Variants in STK3 observed in about 807,000 individuals in gnomAD.
STK3 encodes serine/threonine-protein kinase 3.
A neutral mutation model predicts 58.0 loss-of-function variants in STK3; 41 were observed. That is an observed-to-expected ratio of 0.71 (90% CI 0.55 to 0.92). STK3 has a LOEUF of 0.92. Ranked by LOEUF, STK3 falls within the 40% of genes least tolerant of loss-of-function variation. STK3 has a pLI of 0.00. For missense variants in STK3, 479 were observed against 602.7 expected (o/e 0.79, Z 2.15); for synonymous variants, 170 against 191.0 (o/e 0.89, Z 0.91).
chr8:98,477,703 G>C (rs1410858398), intron 10 of STK3, among the ~76,000 whole-genome samples: 1 of 24,952 alleles, frequency 4.0e-5, no homozygotes, highest in East Asian at 1.4e-3. Context: ...CACACTTGGC[G>C]GGGGGGGGGG....
intron 6 of STK3, among the ~76,000 whole-genome samples, chr8:98,644,279 C>G (rs1242408772): frequency 6.6e-6 from 1 of 152,126 alleles, no homozygotes; most frequent in African/African-American, 2.4e-5. Context: ...CTTTAAAAGT[C>G]AAAGTATGAA....
In STK3 at chr8:98,767,340, T is replaced by C; in HGVS notation, c.139A>G (p.Lys47Glu). ...SYGSVFKAIH[K>E]ESGQVVAIKQ... ...ATTGCGACAACTTGACCGGATTCCTTGTGTATTGCTTTAAATACACTTCCA... is the reference window on the plus strand; with the variant it reads ...ATTGCGACAACTTGACCGGATTCCTCGTGTATTGCTTTAAATACACTTCCA... The change falls in exon 3 of 11, where the codon AAG becomes GAG. Residue 47 changes from lysine (K) to glutamate (E), a missense_variant. By Grantham distance (56) the Lys-to-Glu change is moderately conservative (BLOSUM62 1). This residue lies in a region of STK3 where 126 missense variants were observed against 210.1 expected (regional missense o/e 0.60). Coordinates refer to ENST00000419617, the MANE Select transcript of STK3 (RefSeq NM_006281.4). 6.2e-7 allele frequency: 1 copy of C among 1,609,960 alleles called. No homozygotes were observed. The highest frequency in any genetic ancestry group is 8.5e-7 in the Non-Finnish European group (1 of 1,179,106).
chr8:98,858,066 C>T (rs1377978842), intron 3 of STK3, among the ~76,000 whole-genome samples: 1 of 151,520 alleles, frequency 6.6e-6, no homozygotes, highest in Non-Finnish European at 1.5e-5. Flanking sequence ...AATTTTTTAT[C>T]TTGTAATAAA....
intron 1 of STK3, among the ~76,000 whole-genome samples, chr8:98,929,190 C>G (rs755368128): frequency 6.6e-6 from 1 of 152,062 alleles, no homozygotes; most frequent in Non-Finnish European, 1.5e-5. Context: ...TGCTTGAACC[C>G]GAGAGGCAGA....
At chr8:98,872,487 T>C (rs896549810) in intron 3 of STK3, among the ~76,000 whole-genome samples, 1 of 152,200 alleles carries the variant, frequency 6.6e-6, no homozygotes, top group Non-Finnish European at 1.5e-5. Flanking sequence ...CTTTGGTTGG[T>C]AGGCTATTAA....
At chr8:98,453,580 T>C (rs1269053644), downstream of STK3, among the ~76,000 whole-genome samples, 3 of 152,210 alleles carry the variant, frequency 2.0e-5, no homozygotes, top group South Asian at 4.1e-4. Context: ...TTTGTGTACA[T>C]ACACTTAAAT....
intron 3 of STK3, among the ~76,000 whole-genome samples, chr8:98,415,334 CTA>C (rs1818103283): frequency 2.0e-5 from 3 of 152,184 alleles, no homozygotes; most frequent in African/African-American, 7.2e-5. Flanking sequence ...AAGACAGACT[CTA>C]TGTGAATAAG....
chr8:98,787,685 A>T (rs1832557421), intron 1 of STK3, among the ~76,000 whole-genome samples: 1 of 152,202 alleles, frequency 6.6e-6, no homozygotes, highest in African/African-American at 2.4e-5. Context: ...ATGAGGAAAA[A>T]GCACCAGGTA....
At chr8:98,388,712 A>G (rs1172068748), upstream of STK3, among the ~76,000 whole-genome samples, 1 of 152,256 alleles carries the variant, frequency 6.6e-6, no homozygotes, top group East Asian at 1.9e-4. Flanking sequence ...ACTAAATTCA[A>G]TTTGTGAACC....
chr8:98,708,821 C>G (rs943451013), intron 4 of STK3, among the ~76,000 whole-genome samples: 1 of 151,720 alleles, frequency 6.6e-6, no homozygotes, highest in Non-Finnish European at 1.5e-5. Context: ...TGTTTTCTCA[C>G]CCTCTCACAA....
At position 98,547,736 on chromosome 8, in the gene STK3, C is replaced by T. The variant is rs538892177; in HGVS notation, c.1141+233G>A. 2.0e-5 allele frequency among the ~76,000 whole-genome samples: 3 copies of T among 152,120 alleles called. No individual in the cohort carries two copies. The South Asian group carries it at 6.2e-4, about 32-fold the overall frequency. On this transcript the variant is annotated intron_variant, in intron 9 of 10. Transcript: ENST00000419617. ...GCAAATTAAGCCGTGGGTTAGCAAC[C>T]TTCAACAGAAAAAAGTTCCATAACT...
chr8:98,858,817 A>C (rs1836813867), intron 3 of STK3, among the ~76,000 whole-genome samples: 5 of 151,434 alleles, frequency 3.3e-5, no homozygotes, highest in African/African-American at 9.7e-5. Flanking sequence ...GCTTGAACCC[A>C]GGAAGCGGAG....
chr8:98,449,390 G>T (rs916166748), intron 1 of STK3, among the ~76,000 whole-genome samples: 1 of 152,140 alleles, frequency 6.6e-6, no homozygotes. Context: ...TAGGATCAGA[G>T]AAATGTAGAT....
chr8:98,912,187 T>C (rs1839162525), intron 1 of STK3, among the ~76,000 whole-genome samples: 1 of 152,190 alleles, frequency 6.6e-6, no homozygotes, highest in South Asian at 2.1e-4. Context: ...AAGATGAGCC[T>C]GATCAACATG....
intron 10 of STK3, among the ~76,000 whole-genome samples, chr8:98,481,220 A>G (rs1821824594): frequency 6.6e-6 from 1 of 152,068 alleles, no homozygotes. Context: ...TGCATCTAGT[A>G]TATTTTCAAG....
rs759755200 is a variant in STK3 at position 98,774,700 on chromosome 8, C to G, written c.107+39G>C. 5 of 1,376,436 alleles carry G rather than the reference C, an allele frequency of 3.6e-6. No individual in the cohort carries two copies. The Admixed American group carries it at 6.8e-5, about 19-fold the overall frequency. 85.3% of individuals were successfully genotyped at this position (1,376,436 alleles called of 1,614,324 possible). On this transcript the variant is annotated intron_variant, in intron 2 of 10. Transcript: ENST00000419617. ...ATCATATAATATTTTTTAAATTGTT[C>G]TGAAATTATTTACATGCTTTCATAC...
intron 4 of STK3, among the ~76,000 whole-genome samples, chr8:98,723,773 T>C (rs1296398146): frequency 1.3e-5 from 2 of 152,114 alleles, no homozygotes; most frequent in African/African-American, 4.8e-5. Flanking sequence ...TTCATTTAAG[T>C]TTTACTTTCA....
chr8:98,817,710 C>G (rs1244253806), intron 1 of STK3, among the ~76,000 whole-genome samples: 1 of 152,136 alleles, frequency 6.6e-6, no homozygotes, highest in Non-Finnish European at 1.5e-5. Flanking sequence ...AGTCTATCAG[C>G]AAGTCCTTCA....
chr8:98,846,095 C>T (rs1836189364), intron 3 of STK3, among the ~76,000 whole-genome samples: 1 of 152,232 alleles, frequency 6.6e-6, no homozygotes, highest in African/African-American at 2.4e-5. Context: ...TCATAGGACC[C>T]ATAACCCTCT....
Sources: allele counts gnomAD v4.1 joint callset (sites outside exome capture counted in the v4.1 genomes callset), GRCh38; gene constraint gnomAD v4.1.1; regional missense constraint gnomAD v4.1.1; transcripts MANE v1.5; gene names NCBI Gene and HGNC (gene_info 2026-07-23, HGNC 2026-07-21).